ENO3: variants seen among roughly 807,000 people sequenced by gnomAD.
The protein encoded by ENO3 is beta-enolase.
ENO3 carries 46 observed loss-of-function variants against 47.7 expected under a neutral mutation model. The observed-to-expected ratio is 0.96, with a 90% CI of 0.76 to 1.23. ENO3 has a LOEUF of 1.23. ENO3 is among the 50% of genes most tolerant of loss of function. The pLI is 0.00. For missense variants in ENO3, 575 were observed against 566.2 expected (o/e 1.02, Z -0.16); for synonymous variants, 223 against 225.9 (o/e 0.99, Z 0.11).
chr17:4,953,245 T>A, intron 4 of ENO3, 27 bp from the exon 5 acceptor site: 1 of 1,614,020 alleles, frequency 6.2e-7, no homozygotes, highest in Non-Finnish European at 8.5e-7. Context: ...TGACCTCTGC[T>A]CTCCCTTCTC....
upstream of ENO3, chr17:4,950,507 C>A (rs994940937): frequency 1.0e-5 from 10 of 963,888 alleles, no homozygotes; most frequent in African/African-American, 1.8e-4. Flanking sequence ...CAGTCGGGCG[C>A]CTTGCCAGCC....
chr17:4,952,674 C>G, intron 2 of ENO3, 121 bp from the exon 3 acceptor site: 1 of 993,094 alleles, frequency 1.0e-6, no homozygotes, highest in Non-Finnish European at 1.5e-6. Context: ...GTTAGCCAGG[C>G]TGGTCTTGAA....
chr17:4,950,582 G>A (rs991209548), upstream of ENO3: 4 of 985,398 alleles, frequency 4.1e-6, no homozygotes, highest in African/African-American at 5.2e-5. Flanking sequence ...GGCCTGGAGA[G>A]GGTAGGATGG....
At position 4,955,499 on chromosome 17, in the gene ENO3, A is replaced by G; in HGVS notation, c.760A>G (p.Asn254Asp). ...MDVAASEFYR[N>D]GKYDLDFKSP... is the part of the protein sequence containing the mutation. ...TGTGGCAGCATCTGAGTTCTATCGC[A>G]ATGGGAAGTACGATCTTGACTTCAA... Residue 254 changes from asparagine to aspartate, a missense_variant, in exon 8 of 12, where the codon AAT (asparagine) becomes GAT (aspartate). Asn to Asp is a conservative substitution (Grantham distance 23, BLOSUM62 1). Coordinates refer to ENST00000519602, the MANE Select transcript of ENO3 (RefSeq NM_053013.4). 1.9e-6 allele frequency: 3 copies of G among 1,614,214 alleles called. No individual in the cohort carries two copies. Among genetic ancestry groups the G allele is most frequent in the Non-Finnish European group, 2.5e-6 (3 of 1,180,046 alleles).
At chr17:4,951,800 ACACT>A (rs770701887) in intron 1 of ENO3, 24 bp from the exon 2 acceptor site, 89 of 1,610,084 alleles carry the variant, frequency 5.5e-5, no homozygotes, top group Non-Finnish European at 7.4e-5. Flanking sequence ...TCAACTGTCT[ACACT>A]CACTCACACC....
chr17:4,955,432 C>T lies in ENO3; in HGVS notation c.693C>T (p.Ile231=). The T allele has an allele frequency of 6.2e-7, 1 of 1,614,258 alleles. No homozygotes were observed. Among genetic ancestry groups the T allele is most frequent in the Non-Finnish European group, 8.5e-7 (1 of 1,180,048 alleles). ...NEALELLKTA[I]QAAGYPDKVV... ...CCCTGGAGCTGCTGAAGACGGCCAT[C>T]CAGGCGGCTGGTTACCCAGACAAGG... The change falls in exon 8 of 12, where the codon ATC becomes ATT. Residue 231 remains isoleucine, a synonymous_variant. Transcript: ENST00000519602.
intron 6 of ENO3, 190 bp downstream of exon 6, chr17:4,954,035 T>A: frequency 1.2e-6 from 1 of 855,464 alleles, no homozygotes; most frequent in Non-Finnish European, 1.8e-6. Context: ...CTGAAGGCTC[T>A]ATGTGCTTCC....
intron 1 of ENO3, 178 bp downstream of exon 1, chr17:4,951,360 G>T: frequency 2.2e-6 from 2 of 923,758 alleles, no homozygotes; most frequent in Non-Finnish European, 2.7e-6. Context: ...AACACCGAAG[G>T]ATCTAGGGAA....
At chr17:4,949,304 C>T (rs896515602), upstream of ENO3, 1 of 152,340 alleles carries the variant, frequency 6.6e-6, no homozygotes, top group African/African-American at 2.4e-5. Flanking sequence ...GTTGGGTTCA[C>T]CAGGGCCCAT....
At chr17:4,952,124 G>C (rs889565412) in intron 2 of ENO3, 1 of 678,076 alleles carries the variant, frequency 1.5e-6, no homozygotes, top group Non-Finnish European at 2.7e-6. Flanking sequence ...TGAGCTCAGA[G>C]AGGACACCTC....
Position 4,952,872 on chromosome 17 carries a change from G to A in ENO3, c.163G>A (p.Gly55Ser). Residue 55 changes from glycine (G) to serine (S), a missense_variant, in exon 3 of 12, where the codon GGC (glycine) becomes AGC (serine). Coordinates refer to ENST00000519602, the MANE Select transcript of ENO3 (RefSeq NM_053013.4). ...TCTGGAACTAAGAGACGGAGACAAA[G>A]GCCGCTACCTGGGGAAAGGTGAGGA... Reference protein sequence around the residue: ...EALELRDGDKGRYLGKGVLKA... With the variant: ...EALELRDGDKSRYLGKGVLKA... 1 of 1,612,590 alleles carries A rather than the reference G, an allele frequency of 6.2e-7. No homozygotes were observed. The highest frequency in any genetic ancestry group is 1.1e-5 in the South Asian group (1 of 90,762).
Position 4,952,901 on chromosome 17 carries a change from AC to A in ENO3, c.181+13del, listed in dbSNP as rs1971592401. 6.2e-7 allele frequency: 1 copy of A among 1,611,738 alleles called. No homozygotes were observed. Among genetic ancestry groups the A allele is most frequent in the African/African-American group, 1.3e-5 (1 of 75,014 alleles). ...GCTACCTGGGGAAAGGTGAGGAGAC[AC>A]CAGCGCAGAAGGAGCCTGTGTGGGC... On this transcript the variant is annotated intron_variant, in intron 3 of 11. Coordinates refer to ENST00000519602, the MANE Select transcript of ENO3 (RefSeq NM_053013.4).
intron 1 of ENO3, 70 bp downstream of exon 1, chr17:4,951,252 T>C (rs1295411480): frequency 2.0e-6 from 2 of 1,006,218 alleles, no homozygotes; most frequent in African/African-American, 1.7e-5. Context: ...TTGGAGGAAG[T>C]GGGGGACATT....
intron 1 of ENO3, 25 bp from the exon 2 acceptor site, chr17:4,951,803 C>G: frequency 2.5e-6 from 4 of 1,611,752 alleles, no homozygotes; most frequent in Non-Finnish European, 3.4e-6. Context: ...ACTGTCTACA[C>G]TCACTCACAC....
chr17:4,953,143 C>T (rs755263055), intron 4 of ENO3, 34 bp downstream of exon 4: 2 of 1,614,080 alleles, frequency 1.2e-6, no homozygotes, highest in South Asian at 1.1e-5. Context: ...GCAGCCTCCT[C>T]CCCATGCCCC....
chr17:4,951,797 T>C, intron 1 of ENO3, 31 bp from the exon 2 acceptor site: 1 of 1,608,808 alleles, frequency 6.2e-7, no homozygotes, highest in Non-Finnish European at 8.5e-7. Context: ...AGATCAACTG[T>C]CTACACTCAC....
At position 4,956,129 on chromosome 17, in the gene ENO3, C is replaced by T. The variant is rs774299785; in HGVS notation, c.1053C>T (p.Thr351=). ...AGGTCAACCAGATCGGCTCGGTGAC[C>T]GAATCGATCCAGGCGTGAGTGCCTC... The part of the protein sequence containing the change: ...LLKVNQIGSV[T]ESIQACKLAQ... The change falls in exon 9 of 12, where the codon ACC becomes ACT. Residue 351 remains threonine, a synonymous_variant. Transcript: ENST00000519602. The T allele has an allele frequency of 3.1e-6, 5 of 1,613,786 alleles. No individual in the cohort carries two copies. Among genetic ancestry groups the T allele is most frequent in the African/African-American group, 2.7e-5 (2 of 74,850 alleles).
intron 3 of ENO3, 49 bp downstream of exon 3, chr17:4,952,939 A>T (rs1446533640): frequency 6.2e-7 from 1 of 1,610,314 alleles, no homozygotes; most frequent in African/African-American, 1.3e-5. Context: ...GCTTTAGGAC[A>T]TGGGTGCACA....
intron 6 of ENO3, among the ~76,000 whole-genome samples, 160 bp from the exon 7 acceptor site, chr17:4,954,911 AAAAG>A (rs1164241704): frequency 1.2e-4 from 18 of 151,464 alleles, no homozygotes; most frequent in African/African-American, 2.7e-4. Context: ...AAAAAAAAAA[AAAAG>A]AAAGAAATGA....
Sources: allele counts gnomAD v4.1 joint callset (sites outside exome capture counted in the v4.1 genomes callset), GRCh38; gene constraint gnomAD v4.1.1; transcripts MANE v1.5; gene names NCBI Gene and HGNC (gene_info 2026-07-23, HGNC 2026-07-21).